Variants in ARHGAP24 observed in about 807,000 individuals in gnomAD.
ARHGAP24 encodes Rho GTPase activating protein 24.
Under a neutral mutation model 76.4 loss-of-function variants are expected in ARHGAP24, and 50 were observed. That is an observed-to-expected ratio of 0.65 (90% CI 0.52 to 0.83). The LOEUF (loss-of-function observed/expected upper bound fraction) is 0.83, where lower values mean the gene tolerates loss of function less well. Ranked by LOEUF, ARHGAP24 falls within the 40% of genes least tolerant of loss-of-function variation. The pLI, the probability that ARHGAP24 is intolerant of heterozygous loss-of-function variation, is 0.00. For missense variants in ARHGAP24, 930 were observed against 914.2 expected (o/e 1.02, Z -0.22); for synonymous variants, 345 against 323.3 (o/e 1.07, Z -0.72).
chr4:85,632,328 T>C (rs1319102296), intron 2 of ARHGAP24, among the ~76,000 whole-genome samples: 1 of 152,052 alleles, frequency 6.6e-6, no homozygotes, highest in Non-Finnish European at 1.5e-5. Context: ...AGCCTGACCT[T>C]CTTTTTCTCA....
intron 3 of ARHGAP24, among the ~76,000 whole-genome samples, chr4:85,780,959 A>T (rs17395020): frequency 0.2 from 30,454 of 152,254 alleles, 4,112 homozygotes; most frequent in Non-Finnish European, 0.3. Flanking sequence ...AAATCCCAAG[A>T]GGCATACCTA....
intron 3 of ARHGAP24, among the ~76,000 whole-genome samples, chr4:85,731,519 A>T (rs1016160104): frequency 5.9e-5 from 9 of 152,228 alleles, no homozygotes; most frequent in Non-Finnish European, 1.0e-4. Flanking sequence ...AGTCAAAGTT[A>T]GAGTTGTCTA....
intron 3 of ARHGAP24, among the ~76,000 whole-genome samples, chr4:85,773,529 T>C (rs1046550669): frequency 2.0e-5 from 3 of 152,156 alleles, no homozygotes; most frequent in African/African-American, 7.2e-5. Context: ...TGGTTCTATC[T>C]CCTCAAGGCA....
chr4:85,526,012 C>A (rs1724977834), intron 1 of ARHGAP24, among the ~76,000 whole-genome samples: 1 of 152,074 alleles, frequency 6.6e-6, no homozygotes, highest in Non-Finnish European at 1.5e-5. Context: ...GTTCCATTTC[C>A]CTCCTTTGAA....
intron 3 of ARHGAP24, among the ~76,000 whole-genome samples, chr4:85,757,358 C>T (rs1007033182): frequency 2.0e-5 from 3 of 151,620 alleles, no homozygotes; most frequent in African/African-American, 2.4e-5. Context: ...TAATGCTATC[C>T]CTCCCCTCTC....
At chr4:85,680,397 G>A (rs1723162075) in intron 2 of ARHGAP24, among the ~76,000 whole-genome samples, 1 of 152,160 alleles carries the variant, frequency 6.6e-6, no homozygotes, top group Non-Finnish European at 1.5e-5. Flanking sequence ...AATTGCAGAT[G>A]TGAAAACGAC....
chr4:85,585,020 TA>T (rs1727788623), intron 2 of ARHGAP24, among the ~76,000 whole-genome samples: 1 of 152,222 alleles, frequency 6.6e-6, no homozygotes, highest in South Asian at 2.1e-4. Context: ...TAGAGCTTGC[TA>T]AAACCCATCT....
intron 1 of ARHGAP24, among the ~76,000 whole-genome samples, chr4:85,489,749 A>C (rs1235609211): frequency 6.6e-6 from 1 of 152,172 alleles, no homozygotes; most frequent in East Asian, 1.9e-4. Flanking sequence ...CTCATGGCTC[A>C]ATGGTGTCCC....
intron 1 of ARHGAP24, among the ~76,000 whole-genome samples, chr4:85,542,276 A>G (rs1460628785): frequency 6.6e-6 from 1 of 152,172 alleles, no homozygotes; most frequent in East Asian, 1.9e-4. Flanking sequence ...ATTTTTATTG[A>G]TATACAACCT....
chr4:85,679,816 T>G (rs1723133860), intron 2 of ARHGAP24, among the ~76,000 whole-genome samples: 1 of 152,228 alleles, frequency 6.6e-6, no homozygotes, highest in Admixed American at 6.5e-5. Flanking sequence ...CAATAGTGTC[T>G]GTCTCTTGCT....
chr4:85,819,661 G>C (rs921454979), intron 3 of ARHGAP24, among the ~76,000 whole-genome samples: 1 of 152,192 alleles, frequency 6.6e-6, no homozygotes, highest in African/African-American at 2.4e-5. Context: ...GCTCATGCCT[G>C]TAATCCCAGC....
At chr4:85,805,718 G>T (rs1375486055) in intron 3 of ARHGAP24, among the ~76,000 whole-genome samples, 1 of 152,040 alleles carries the variant, frequency 6.6e-6, no homozygotes, top group East Asian at 1.9e-4. Flanking sequence ...TTTTCCTTTG[G>T]CCTTTCGTTG....
chr4:85,683,109 T>TGGGGGGGGG (rs1205882687), intron 2 of ARHGAP24, among the ~76,000 whole-genome samples: 2 of 17,482 alleles, frequency 1.1e-4, no homozygotes, highest in Non-Finnish European at 1.3e-4. Flanking sequence ...TCTCAGTGTG[T>TGGGGGGGGG]GGGGGGGTGG....
chr4:85,548,821 G>A (rs56281633), intron 1 of ARHGAP24, among the ~76,000 whole-genome samples: 2,083 of 152,124 alleles, frequency 0.014, 47 homozygotes, highest in African/African-American at 0.048. Context: ...CCCCTTTCCC[G>A]TCAGTATATA....
At chr4:85,930,601 T>G in intron 4 of ARHGAP24, 1 of 1,049,802 alleles carries the variant, frequency 9.5e-7, no homozygotes. Context: ...CAATTCCTGC[T>G]GTTTGAATGG....
intron 3 of ARHGAP24, among the ~76,000 whole-genome samples, chr4:85,767,798 G>A (rs1726986058): frequency 6.6e-6 from 1 of 152,180 alleles, no homozygotes; most frequent in Admixed American, 6.5e-5. Flanking sequence ...TTCTTGGTGA[G>A]AGTTAAACTC....
intron 2 of ARHGAP24, among the ~76,000 whole-genome samples, chr4:85,649,011 ATG>A (rs3028048): frequency 0.29 from 43,562 of 147,872 alleles, 7,617 homozygotes; most frequent in East Asian, 0.82. Context: ...ATTTGTAAAT[ATG>A]TGTGTGTGTG....
intron 1 of ARHGAP24, among the ~76,000 whole-genome samples, chr4:85,557,264 G>T (rs922483146): frequency 3.9e-5 from 6 of 151,950 alleles, no homozygotes; most frequent in African/African-American, 1.5e-4. Context: ...TGTGGATTTG[G>T]TTCCTTTCCT....
At chr4:85,773,314 C>T (rs1242723223) in intron 3 of ARHGAP24, among the ~76,000 whole-genome samples, 1 of 152,184 alleles carries the variant, frequency 6.6e-6, no homozygotes, top group Non-Finnish European at 1.5e-5. Context: ...TATTTAAAAT[C>T]TTTCAATGGA....
Sources: gnomAD v4.1 joint callset for allele counts (sites outside exome capture counted in the v4.1 genomes callset) on GRCh38, gnomAD v4.1.1 for gene constraint, MANE v1.5 for transcripts, NCBI Gene and HGNC (gene_info 2026-07-23, HGNC 2026-07-21) for gene names.